The following EIF2AK2 variants were observed in gnomAD, a reference collection of about 807,000 sequenced individuals.
EIF2AK2 encodes interferon-induced, double-stranded RNA-activated protein kinase.
EIF2AK2 carries 40 observed loss-of-function variants against 70.5 expected under a neutral mutation model. That is an observed-to-expected ratio of 0.57 (90% CI 0.44 to 0.74). The LOEUF (loss-of-function observed/expected upper bound fraction) is 0.74. Among genes scored for constraint, EIF2AK2 ranks in the 30% least tolerant of loss-of-function variants. The probability of loss-of-function intolerance (pLI) is 0.00; values close to 1 mark genes in which losing one functional copy is unlikely to be tolerated. For missense variants in EIF2AK2, 555 were observed against 644.3 expected, an observed-to-expected ratio of 0.86 and a Z score of 1.50; for synonymous variants, 198 against 220.9, an observed-to-expected ratio of 0.90 and a Z score of 0.92.
Position 37,146,924 on chromosome 2 carries a change from C to T in EIF2AK2, c.169G>A (p.Gly57Ser), listed in dbSNP as rs774002991. ...IDGREFPEGEGRSKKEAKNAA... is the reference protein window; with the variant it reads ...IDGREFPEGESRSKKEAKNAA... ...TTTTTTGCTTCCTTCTTTGATCTAC[C>T]TTCACCTTCTGGAAATTCTCTTCCA... The change falls in exon 4 of 17, where the codon GGT becomes AGT. Residue 57 changes from glycine to serine, a missense_variant. Physicochemically the swap from Gly to Ser is moderately conservative, Grantham distance 56 (BLOSUM62 0). Transcript: ENST00000233057. The T allele has an allele frequency of 1.2e-6, 2 of 1,613,656 alleles. No homozygotes were observed. The highest frequency in any genetic ancestry group is 2.2e-5 in the East Asian group (1 of 44,854).
In EIF2AK2 at chr2:37,114,765, C is replaced by T. The variant is rs764844778; in HGVS notation, c.1343G>A (p.Ser448Asn). Residue 448 changes from serine (S) to asparagine (N), a missense_variant, in exon 14 of 17, where the codon AGT becomes AAT. By Grantham distance (46) the Ser-to-Asn change is conservative (BLOSUM62 1). Transcript: ENST00000233057. The stretch of plus-strand genomic sequence containing the variant: ...GCTCATGTATCGCAAAGTTCCCTTA[C>T]TCCTTGTTCGCTTTCCATCATTTTT... ...SLKNDGKRTR[S>N]KGTLRYMSPE... 3 of 1,604,056 alleles carry T rather than the reference C, an allele frequency of 1.9e-6. No homozygotes were observed. Among genetic ancestry groups the T allele is most frequent in the Non-Finnish European group, 2.6e-6 (3 of 1,175,568 alleles).
rs550029905 is a variant in EIF2AK2 at position 37,116,446 on chromosome 2, A to G, written c.1249-1587T>C. Reference sequence around the variant, plus strand: ...TTGATGAGAAAATTAATATTTTGCTATTTTTGAAAAGGCTGGACTTTTAAT... The same window carrying G: ...TTGATGAGAAAATTAATATTTTGCTGTTTTTGAAAAGGCTGGACTTTTAAT... On this transcript the variant is annotated intron_variant, in intron 13 of 16. Transcript: ENST00000233057. Among the ~76,000 whole-genome samples, 3 of 152,300 alleles carry G rather than the reference A, an allele frequency of 2.0e-5. No homozygotes were observed. The East Asian group carries it at 5.8e-4, about 29-fold the overall frequency.
At chr2:37,120,800 TA>T (rs1674516998) in intron 12 of EIF2AK2, among the ~76,000 whole-genome samples, 1 of 148,158 alleles carries the variant, frequency 6.7e-6, no homozygotes, top group Non-Finnish European at 1.5e-5. Context: ...CCATCTCTAC[TA>T]AAAACACAAA....
At chr2:37,115,478 T>A (rs1674310480) in intron 13 of EIF2AK2, among the ~76,000 whole-genome samples, 1 of 152,044 alleles carries the variant, frequency 6.6e-6, no homozygotes, top group African/African-American at 2.4e-5. Flanking sequence ...AGGGAAAAGA[T>A]CCAGGACTAT....
intron 10 of EIF2AK2, among the ~76,000 whole-genome samples, chr2:37,134,577 G>A (rs1356828679): frequency 2.0e-5 from 3 of 152,166 alleles, no homozygotes; most frequent in Admixed American, 2.0e-4. Context: ...ATGCAATGGT[G>A]CAACATCAAA....
chr2:37,151,939 G>A (rs1203988835), intron 1 of EIF2AK2, among the ~76,000 whole-genome samples: 7 of 152,210 alleles, frequency 4.6e-5, no homozygotes, highest in Non-Finnish European at 1.0e-4. Context: ...GGTGGCGCGC[G>A]CCTGTAGTCC....
At chr2:37,152,052 C>A (rs373442140) in intron 1 of EIF2AK2, among the ~76,000 whole-genome samples, 6 of 152,170 alleles carry the variant, frequency 3.9e-5, no homozygotes, top group South Asian at 2.1e-4. Flanking sequence ...CGCGACAGAG[C>A]GAAGACTCCA....
chr2:37,140,738 A>G (rs776858811), intron 5 of EIF2AK2, among the ~76,000 whole-genome samples: 15 of 152,156 alleles, frequency 9.9e-5, no homozygotes, highest in Non-Finnish European at 2.2e-4. Flanking sequence ...ACTTTTGACT[A>G]TTTCATTCCA....
At position 37,139,314 on chromosome 2, in the gene EIF2AK2, C is replaced by CA. The variant is rs111711091; in HGVS notation, c.516+316dup. On this transcript the variant is annotated intron_variant, in intron 6 of 16. Coordinates refer to ENST00000233057, the MANE Select transcript of EIF2AK2 (RefSeq NM_001135651.3). ...TGGGCAACAGAGCGAGATTCCATCT[C>CA]AAAAAAAAAAAAAAAAAAACTCCTG... 6.5e-3 allele frequency among the ~76,000 whole-genome samples: 435 copies of CA among 67,020 alleles called. 2 individuals are homozygous for CA. Among genetic ancestry groups the CA allele is most frequent in the South Asian group, 0.033 (64 of 1,930 alleles). 44.0% of individuals were successfully genotyped at this position (67,020 alleles called of 152,430 possible).
At chr2:37,125,686 A>G (rs1674704268) in intron 11 of EIF2AK2, among the ~76,000 whole-genome samples, 1 of 152,214 alleles carries the variant, frequency 6.6e-6, no homozygotes, top group Non-Finnish European at 1.5e-5. Flanking sequence ...AAGGTTTCAG[A>G]TGACTACTGA....
rs769466033 is a variant in EIF2AK2 at position 37,126,298 on chromosome 2, T to C, written c.899A>G (p.Tyr300Cys). The C allele has an allele frequency of 2.5e-6, 4 of 1,596,678 alleles. No individual in the cohort carries two copies. Among genetic ancestry groups the C allele is most frequent in the African/African-American group, 1.4e-5 (1 of 73,934 alleles). The change falls in exon 11 of 17, where the codon TAT (tyrosine) becomes TGT (cysteine). Residue 300 changes from tyrosine to cysteine, a missense_variant. Tyr to Cys is a radical substitution (Grantham distance 194). Transcript: ENST00000233057. ...GKTYVIKRVK[Y>C]NNEKAEREVK... ...AACATTTACTACTTACTCGTTATTA[T>C]ATTTAACACGTTTAATAACGTAAGT...
intron 11 of EIF2AK2, among the ~76,000 whole-genome samples, chr2:37,124,816 C>G (rs1674676291): frequency 6.6e-6 from 1 of 151,748 alleles, no homozygotes; most frequent in Non-Finnish European, 1.5e-5. Flanking sequence ...CAGCCTCCAC[C>G]TACTGGGCTC....
At chr2:37,144,873 C>T (rs1217066072) in intron 4 of EIF2AK2, among the ~76,000 whole-genome samples, 2 of 151,628 alleles carry the variant, frequency 1.3e-5, no homozygotes, top group Non-Finnish European at 2.9e-5. Flanking sequence ...TGAACCACCA[C>T]ACCCAGCCTT....
At chr2:37,151,002 G>A (rs1675722205) in intron 1 of EIF2AK2, among the ~76,000 whole-genome samples, 2 of 152,214 alleles carry the variant, frequency 1.3e-5, no homozygotes, top group South Asian at 4.1e-4. Flanking sequence ...ACTCTTAGAA[G>A]AAAATATGGG....
rs146672129 is a variant in EIF2AK2 at position 37,144,794 on chromosome 2, C to T, written c.240+2059G>A. On this transcript the variant is annotated intron_variant, in intron 4 of 16. Transcript: ENST00000233057. ...ACAGGGTTTCACCATGTTGCCTAGG[C>T]TAATCTCAAACTCCCAAATTCAAGT... Among the ~76,000 whole-genome samples the T allele has an allele frequency of 2.8e-4, 42 of 152,088 alleles. No individual in the cohort carries two copies. In the East Asian group the frequency reaches 5.0e-3, roughly 18 times the overall value.
At chr2:37,135,447 T>A (rs373144781) in intron 10 of EIF2AK2, 37 bp downstream of exon 10, 57 of 1,548,024 alleles carry the variant, frequency 3.7e-5, no homozygotes, top group Middle Eastern at 3.4e-4. Context: ...ACCGACAGCA[T>A]TACCCCTTCT....
At chr2:37,126,177 G>C (rs1674721390) in intron 11 of EIF2AK2, 112 bp downstream of exon 11, 4 of 1,358,478 alleles carry the variant, frequency 2.9e-6, no homozygotes, top group Non-Finnish European at 3.9e-6. Context: ...TGTTTAATGA[G>C]GATCAGAAAG....
At chr2:37,108,202 C>T (rs890374970) in intron 15 of EIF2AK2, among the ~76,000 whole-genome samples, 5 of 151,882 alleles carry the variant, frequency 3.3e-5, no homozygotes, top group African/African-American at 1.2e-4. Context: ...TTAGTGACTC[C>T]CCACTGTCTA....
At chr2:37,142,315 TAG>T (rs974294254) in intron 4 of EIF2AK2, among the ~76,000 whole-genome samples, 1 of 152,068 alleles carries the variant, frequency 6.6e-6, no homozygotes, top group Non-Finnish European at 1.5e-5. Flanking sequence ...GTATTTTTTG[TAG>T]AGACAGCGTT....
Sources: gnomAD v4.1 joint callset for allele counts (sites outside exome capture counted in the v4.1 genomes callset) on GRCh38, gnomAD v4.1.1 for gene constraint, MANE v1.5 for transcripts, NCBI Gene and HGNC (gene_info 2026-07-23, HGNC 2026-07-21) for gene names.